Variants in SNTG1 observed in about 807,000 individuals in gnomAD.
SNTG1 encodes the protein syntrophin gamma 1, also known as gamma-1-syntrophin.
Under a neutral mutation model 74.7 loss-of-function variants are expected in SNTG1, and 39 were observed. The observed-to-expected ratio is 0.52, with a 90% CI of 0.40 to 0.68. The LOEUF (loss-of-function observed/expected upper bound fraction) is 0.68, where lower values mean the gene tolerates loss of function less well. Among genes scored for constraint, SNTG1 ranks in the 30% least tolerant of loss-of-function variants. The probability of loss-of-function intolerance (pLI) is 0.00; values close to 1 mark genes in which losing one functional copy is unlikely to be tolerated. For synonymous variants in SNTG1, 254 were observed against 217.1 expected (o/e 1.17, Z -1.49); for missense variants, 685 against 609.5 (o/e 1.12, Z -1.30).
chr8:50,556,985 G>A (rs2130645471), intron 12 of SNTG1, among the ~76,000 whole-genome samples: 1 of 152,206 alleles, frequency 6.6e-6, no homozygotes, highest in South Asian at 2.1e-4. Context: ...CCAACCAGAG[G>A]CCCATGCCAG....
At chr8:50,288,126 A>T (rs1453970638) in intron 2 of SNTG1, among the ~76,000 whole-genome samples, 1 of 152,182 alleles carries the variant, frequency 6.6e-6, no homozygotes, top group African/African-American at 2.4e-5. Context: ...TGCCTGCTCC[A>T]TACATTAGTA....
At chr8:50,734,178 G>T (rs574008868) in intron 17 of SNTG1, among the ~76,000 whole-genome samples, 1 of 151,832 alleles carries the variant, frequency 6.6e-6, no homozygotes, top group East Asian at 1.9e-4. Flanking sequence ...GAATTGAAAT[G>T]ACTGGATATT....
At chr8:50,039,411 C>G (rs1818436801) in intron 1 of SNTG1, among the ~76,000 whole-genome samples, 1 of 143,170 alleles carries the variant, frequency 7.0e-6, no homozygotes, top group Non-Finnish European at 1.5e-5. Context: ...GCCGAGATCG[C>G]GCCACGGCAC....
At chr8:50,115,173 C>T (rs1483537487) in intron 1 of SNTG1, among the ~76,000 whole-genome samples, 1 of 152,034 alleles carries the variant, frequency 6.6e-6, no homozygotes, top group African/African-American at 2.4e-5. Flanking sequence ...AACCAGTCAG[C>T]TTACTTTCTG....
At chr8:50,639,041 TATA>T (rs1226491381) in intron 13 of SNTG1, among the ~76,000 whole-genome samples, 1 of 152,100 alleles carries the variant, frequency 6.6e-6, no homozygotes, top group African/African-American at 2.4e-5. Context: ...TTGAGGTTTA[TATA>T]ATATCATTTT....
At chr8:50,074,909 C>T (rs1462091691) in intron 1 of SNTG1, among the ~76,000 whole-genome samples, 1 of 152,160 alleles carries the variant, frequency 6.6e-6, no homozygotes, top group Non-Finnish European at 1.5e-5. Flanking sequence ...ACTCGCGGCG[C>T]ACGCGAGTTC....
intron 17 of SNTG1, among the ~76,000 whole-genome samples, chr8:50,726,817 A>C (rs35521388): frequency 0.34 from 51,039 of 152,018 alleles, 11,145 homozygotes; most frequent in African/African-American, 0.62. Flanking sequence ...ACACTGCACT[A>C]CAGCCCAGGC....
chr8:50,716,141 G>A (rs1045152374), intron 17 of SNTG1, among the ~76,000 whole-genome samples: 3 of 151,950 alleles, frequency 2.0e-5, no homozygotes, highest in Non-Finnish European at 4.4e-5. Context: ...TTTATATAAA[G>A]CATTTATATG....
At chr8:50,734,952 TATATCTATATATCCATATATATCTATCC>T (rs2095524199) in intron 17 of SNTG1, among the ~76,000 whole-genome samples, 6 of 60,786 alleles carry the variant, frequency 9.9e-5, no homozygotes, top group Admixed American at 8.6e-4. Context: ...TATGGACATA[TATATCTATATATCCATATATATCTATCC>T]ATATATATGT....
intron 4 of SNTG1, among the ~76,000 whole-genome samples, chr8:50,408,958 A>T (rs2092914064): frequency 6.6e-6 from 1 of 152,186 alleles, no homozygotes; most frequent in Admixed American, 6.5e-5. Context: ...ATACAGGGTC[A>T]GCGCCAGAAA....
chr8:49,987,450 A>G (rs1813272272), intron 1 of SNTG1, among the ~76,000 whole-genome samples: 1 of 152,144 alleles, frequency 6.6e-6, no homozygotes. Context: ...GGGTCACAAC[A>G]ACCTCAAAAT....
At chr8:50,773,121 C>T (rs1201192915) in intron 18 of SNTG1, among the ~76,000 whole-genome samples, 1 of 152,148 alleles carries the variant, frequency 6.6e-6, no homozygotes, top group Non-Finnish European at 1.5e-5. Flanking sequence ...CTTGTCATTA[C>T]TTGACCTCAC....
At chr8:50,407,042 A>G (rs1473711905) in intron 4 of SNTG1, among the ~76,000 whole-genome samples, 1 of 152,146 alleles carries the variant, frequency 6.6e-6, no homozygotes, top group Non-Finnish European at 1.5e-5. Flanking sequence ...ACGCCTCTGT[A>G]TTAAAAGATA....
intron 17 of SNTG1, among the ~76,000 whole-genome samples, chr8:50,744,500 C>T (rs540186736): frequency 4.6e-4 from 70 of 151,988 alleles, no homozygotes; most frequent in South Asian, 1.2e-3. Flanking sequence ...TATGATACAA[C>T]GCAGTCCTCA....
At chr8:50,450,494 G>T (rs980108541) in intron 6 of SNTG1, 62 bp from the exon 7 acceptor site, 5 of 1,528,278 alleles carry the variant, frequency 3.3e-6, no homozygotes, top group Admixed American at 3.4e-5. Flanking sequence ...TTAATTAAAA[G>T]TCCTTTCATC....
chr8:50,742,001 A>G (rs1268119261), intron 17 of SNTG1, among the ~76,000 whole-genome samples: 2 of 152,006 alleles, frequency 1.3e-5, no homozygotes, highest in African/African-American at 4.8e-5. Flanking sequence ...GTGAACCCAA[A>G]TGTAAACTTA....
chr8:50,009,650 G>A (rs1815577817), intron 1 of SNTG1, among the ~76,000 whole-genome samples: 1 of 152,038 alleles, frequency 6.6e-6, no homozygotes, highest in South Asian at 2.1e-4. Flanking sequence ...AGGTTCTTTT[G>A]CGGTATTATA....
At chr8:50,066,530 T>G (rs1820914310) in intron 1 of SNTG1, among the ~76,000 whole-genome samples, 1 of 152,160 alleles carries the variant, frequency 6.6e-6, no homozygotes, top group Non-Finnish European at 1.5e-5. Flanking sequence ...ATTAATTAAA[T>G]TCCTTTCCTT....
chr8:50,551,538 A>G (rs2094426737), intron 11 of SNTG1, among the ~76,000 whole-genome samples: 2 of 152,188 alleles, frequency 1.3e-5, no homozygotes, highest in Non-Finnish European at 2.9e-5. Context: ...AGAAATATGT[A>G]TTACTAAACT....
Sources: allele counts gnomAD v4.1 joint callset (sites outside exome capture counted in the v4.1 genomes callset), GRCh38; gene constraint gnomAD v4.1.1; transcripts MANE v1.5; gene names NCBI Gene and HGNC (gene_info 2026-07-23, HGNC 2026-07-21).